ELP3: variants seen among roughly 807,000 people sequenced by gnomAD.
The protein encoded by ELP3 is elongator complex protein 3.
Under a neutral mutation model 74.9 loss-of-function variants are expected in ELP3, and 56 were observed. The observed-to-expected ratio is 0.75, with a 90% CI of 0.60 to 0.93. The LOEUF (loss-of-function observed/expected upper bound fraction) is 0.93. ELP3 is among the 40% of genes least tolerant of loss of function. ELP3 has a pLI of 0.00. For synonymous variants in ELP3, 222 were observed against 239.8 expected, an observed-to-expected ratio of 0.93 and a Z score of 0.68; for missense variants, 573 against 686.5, an observed-to-expected ratio of 0.83 and a Z score of 1.85.
intron 1 of ELP3, among the ~76,000 whole-genome samples, chr8:28,095,125 G>A (rs865850736): frequency 6.6e-6 from 1 of 152,292 alleles, no homozygotes; most frequent in Middle Eastern, 3.4e-3. Context: ...ACAAAGATAG[G>A]TAATTCCTAT....
intron 9 of ELP3, among the ~76,000 whole-genome samples, chr8:28,133,822 C>A (rs1812874289): frequency 6.6e-6 from 1 of 152,134 alleles, no homozygotes; most frequent in South Asian, 2.1e-4. Flanking sequence ...TCACAGATAT[C>A]CCTCTTCGTA....
At chr8:28,140,974 C>T (rs1813213579) in intron 10 of ELP3, among the ~76,000 whole-genome samples, 1 of 152,086 alleles carries the variant, frequency 6.6e-6, no homozygotes, top group African/African-American at 2.4e-5. Context: ...ATATTGTGAC[C>T]AGGGCCTCAC....
intron 7 of ELP3, among the ~76,000 whole-genome samples, chr8:28,121,053 G>A (rs1440127517): frequency 6.6e-6 from 1 of 152,032 alleles, no homozygotes; most frequent in Non-Finnish European, 1.5e-5. Flanking sequence ...AGAATCAGCT[G>A]GCCAATGCTC....
intron 14 of ELP3, among the ~76,000 whole-genome samples, chr8:28,170,731 C>A (rs1814490866): frequency 1.3e-5 from 2 of 152,030 alleles, no homozygotes; most frequent in African/African-American, 4.8e-5. Flanking sequence ...GTTGATAAAT[C>A]ATAGGTAAAG....
intron 4 of ELP3, among the ~76,000 whole-genome samples, chr8:28,107,032 T>G (rs1811725472): frequency 1.3e-5 from 2 of 152,170 alleles, no homozygotes. Context: ...GTGGATCACC[T>G]GAGGTCAGGA....
chr8:28,164,201 G>A (rs1814217433), intron 14 of ELP3, among the ~76,000 whole-genome samples: 1 of 152,096 alleles, frequency 6.6e-6, no homozygotes, highest in Non-Finnish European at 1.5e-5. Context: ...CTTGCCTGAG[G>A]TCATATCCAA....
intron 14 of ELP3, among the ~76,000 whole-genome samples, chr8:28,172,311 T>C (rs1406231481): frequency 1.3e-5 from 2 of 152,100 alleles, no homozygotes; most frequent in Non-Finnish European, 2.9e-5. Flanking sequence ...TATTTAGTCT[T>C]CTTTAATTTC....
In ELP3 at chr8:28,112,829, G is replaced by T. The variant is rs1368597252; in HGVS notation, c.463-190G>T. ...ATATTCTCATTCTCCCTCCTTATTT[G>T]AGTTGTACTCACTTTTTTCTTTCAG... is the stretch of plus-strand genomic sequence containing the variant. On this transcript the variant is annotated intron_variant, in intron 6 of 14. Transcript: ENST00000256398. The T allele has an allele frequency of 1.7e-5, 7 of 404,556 alleles. No individual in the cohort carries two copies. In the Middle Eastern group the frequency reaches 1.9e-3, roughly 110 times the overall value. 25.1% of individuals were successfully genotyped at this position (404,556 alleles called of 1,614,324 possible).
At chr8:28,140,620 G>T (rs966035785) in intron 10 of ELP3, among the ~76,000 whole-genome samples, 3 of 152,158 alleles carry the variant, frequency 2.0e-5, no homozygotes, top group Non-Finnish European at 4.4e-5. Flanking sequence ...GGTCAAACAG[G>T]TGGTGCTCTG....
upstream of ELP3, chr8:28,092,994 A>G (rs1014091709): frequency 4.3e-6 from 3 of 697,912 alleles, no homozygotes; most frequent in Middle Eastern, 2.6e-4. Context: ...GACCCGGGGC[A>G]GGATCGCAGC....
intron 11 of ELP3, among the ~76,000 whole-genome samples, chr8:28,156,422 T>C (rs577784055): frequency 6.6e-6 from 1 of 152,200 alleles, no homozygotes; most frequent in Non-Finnish European, 1.5e-5. Flanking sequence ...AAAACTGCTA[T>C]TGCCCCACAT....
rs569609283 is a variant in ELP3, at chr8:28,120,755, C to G, written c.617+7582C>G. Among the ~76,000 whole-genome samples the G allele has an allele frequency of 7.9e-5, 12 of 152,148 alleles. No individual in the cohort carries two copies. The South Asian group carries it at 1.9e-3, about 24-fold the overall frequency. On this transcript the variant is annotated intron_variant, in intron 7 of 14. Transcript: ENST00000256398. ...AGGTGGGGATCAAGGTTCCTTTTTCCCCATATAGACAGCTAGTTGCTTTAA... is the reference window on the plus strand; with the variant it reads ...AGGTGGGGATCAAGGTTCCTTTTTCGCCATATAGACAGCTAGTTGCTTTAA...
At chr8:28,091,801 G>A (rs1225324936), upstream of ELP3, among the ~76,000 whole-genome samples, 3 of 152,190 alleles carry the variant, frequency 2.0e-5, no homozygotes, top group South Asian at 4.1e-4. Flanking sequence ...AGAGACATAA[G>A]TTATCATGGA....
Position 28,094,154 on chromosome 8 carries a change from T to C in ELP3, c.19+921T>C, listed in dbSNP as rs1420372198. 2.0e-5 allele frequency among the ~76,000 whole-genome samples: 3 copies of C among 152,376 alleles called. No individual in the cohort carries two copies. In the East Asian group the frequency reaches 5.8e-4, roughly 29 times the overall value. On this transcript the variant is annotated intron_variant, in intron 1 of 14. Transcript: ENST00000256398. ...TTGCATGCCCTAAATTAATTTGTTA[T>C]CTCACTCTAACTTGCTCCTTCTCAA... is the stretch of plus-strand genomic sequence containing the variant.
In ELP3 at chr8:28,110,438, G is replaced by A. The variant is rs1308694650; in HGVS notation, c.462G>A (p.Gln154=). ...PFLQTRHRIE[Q]LKQLGHSVDK... ...TACAGACAAGACACCGAATAGAACA[G>A]GTACATTTTTAAAAAACATGTTTCT... The change falls in exon 6 of 15, where the codon CAG becomes CAA. Residue 154 remains glutamine, a splice_region_variant and synonymous_variant. Coordinates refer to ENST00000256398, the MANE Select transcript of ELP3 (RefSeq NM_018091.6). 2.5e-6 allele frequency: 4 copies of A among 1,607,870 alleles called. No homozygotes were observed. Among genetic ancestry groups the A allele is most frequent in the South Asian group, 2.2e-5 (2 of 89,712 alleles).
At chr8:28,156,838 A>G (rs759171846) in intron 11 of ELP3, among the ~76,000 whole-genome samples, 1 of 152,180 alleles carries the variant, frequency 6.6e-6, no homozygotes, top group Non-Finnish European at 1.5e-5. Context: ...AAGACATTTT[A>G]TTCTCTCACT....
rs537664534 is a variant in ELP3, at chr8:28,181,363, A to G, written c.1568-8286A>G. Among the ~76,000 whole-genome samples the G allele has an allele frequency of 7.2e-5, 11 of 152,282 alleles. No individual in the cohort carries two copies. In the South Asian group the frequency reaches 1.0e-3, roughly 14 times the overall value. ...TGTCATTTTAGAAATGGTGACTGCA[A>G]TTTATCAAGTTGTTACTGAAAAGTA... is the stretch of plus-strand genomic sequence containing the variant. On this transcript the variant is annotated intron_variant, in intron 14 of 14. Transcript: ENST00000256398.
rs1382931840 is a variant in ELP3, at chr8:28,132,401, C to G, written c.903C>G (p.Phe301Leu). 6.2e-7 allele frequency: 1 copy of G among 1,613,928 alleles called. No individual in the cohort carries two copies. The highest frequency in any genetic ancestry group is 8.5e-7 in the Non-Finnish European group (1 of 1,179,944). Residue 301 changes from phenylalanine (F) to leucine (L), a missense_variant, in exon 9 of 15, where the codon TTC (phenylalanine) becomes TTG (leucine). Transcript: ENST00000256398. ...NVGLERDIEQFTEFFENPAFR... is the reference protein window; with the variant it reads ...NVGLERDIEQLTEFFENPAFR... The stretch of plus-strand genomic sequence containing the variant: ...GACTAGAAAGAGACATTGAACAGTT[C>G]ACAGTAAGTGTGACTTCAGCCAGGC...
intron 14 of ELP3, among the ~76,000 whole-genome samples, chr8:28,169,136 C>G (rs2130574188): frequency 6.6e-6 from 1 of 152,304 alleles, no homozygotes; most frequent in Non-Finnish European, 1.5e-5. Context: ...CCTCTAGTCC[C>G]TAAGCAGACC....
Sources: gnomAD v4.1 joint callset for allele counts (sites outside exome capture counted in the v4.1 genomes callset) on GRCh38, gnomAD v4.1.1 for gene constraint, MANE v1.5 for transcripts, NCBI Gene and HGNC (gene_info 2026-07-23, HGNC 2026-07-21) for gene names.